Variants in PIGN observed in about 807,000 individuals in gnomAD.
PIGN encodes the protein phosphatidylinositol glycan anchor biosynthesis class N, also known as GPI ethanolamine phosphate transferase 1.
Under a neutral mutation model 125.4 loss-of-function variants are expected in PIGN, and 117 were observed. That is an observed-to-expected ratio of 0.93 (90% CI 0.80 to 1.09). PIGN has a LOEUF of 1.09. Among genes scored for constraint, PIGN ranks in the 50% least tolerant of loss-of-function variants. The pLI, the probability that PIGN is intolerant of heterozygous loss-of-function variation, is 0.00. For missense variants in PIGN, 1,075 were observed against 1,094.9 expected, an observed-to-expected ratio of 0.98 and a Z score of 0.26; for synonymous variants, 392 against 377.8, an observed-to-expected ratio of 1.04 and a Z score of -0.44.
At chr18:62,074,752 T>C (rs370552999) in intron 29 of PIGN, 27 bp downstream of exon 29, 3 of 1,472,760 alleles carry the variant, frequency 2.0e-6, no homozygotes, top group Non-Finnish European at 2.8e-6. Context: ...TAATCTAATT[T>C]ATATGGACTA....
intron 13 of PIGN, among the ~76,000 whole-genome samples, chr18:62,138,729 G>A (rs1174141115): frequency 6.6e-6 from 1 of 152,132 alleles, no homozygotes; most frequent in Non-Finnish European, 1.5e-5. Context: ...TTAAAGAATT[G>A]ACTTGTAGTC....
At position 62,073,418 on chromosome 18, in the gene PIGN, G is replaced by C. The variant is rs116345425; in HGVS notation, c.2620-693C>G. Among the ~76,000 whole-genome samples the C allele has an allele frequency of 9.0e-3, 1,367 of 152,206 alleles. 15 individuals carry two copies. Among genetic ancestry groups the C allele is most frequent in the African/African-American group, 0.026 (1,060 of 41,528 alleles). Reference sequence around the variant, plus strand: ...TATATACATCAAGAGTCCAGAGAGAGCTTGGTAGTGTCAAAGGGAGGATGG... The same window carrying C: ...TATATACATCAAGAGTCCAGAGAGACCTTGGTAGTGTCAAAGGGAGGATGG... On this transcript the variant is annotated intron_variant, in intron 29 of 30. Transcript: ENST00000640252.
chr18:62,095,679 T>C (rs1172182999), intron 23 of PIGN, among the ~76,000 whole-genome samples, 169 bp downstream of exon 23: 2 of 152,028 alleles, frequency 1.3e-5, no homozygotes, highest in East Asian at 1.9e-4. Flanking sequence ...AAACAGAAGA[T>C]TACAGATCAA....
chr18:62,032,572 C>T (rs1039612957), intron 23 of PIGN, among the ~76,000 whole-genome samples: 1 of 152,202 alleles, frequency 6.6e-6, no homozygotes, highest in African/African-American at 2.4e-5. Flanking sequence ...TGGTTAGCTG[C>T]AGTGATTGCA....
intron 23 of PIGN, among the ~76,000 whole-genome samples, chr18:62,032,963 A>C (rs1395834512): frequency 6.6e-6 from 1 of 152,252 alleles, no homozygotes; most frequent in Non-Finnish European, 1.5e-5. Flanking sequence ...GGTCACAAGT[A>C]ACAGAGATGC....
chr18:62,122,994 T>C (rs1452852863), intron 14 of PIGN, among the ~76,000 whole-genome samples: 1 of 152,142 alleles, frequency 6.6e-6, no homozygotes, highest in African/African-American at 2.4e-5. Flanking sequence ...ATGACCATAA[T>C]AGAGGCTGGG....
intron 30 of PIGN, chr18:62,059,009 G>A (rs569457528): frequency 2.6e-5 from 4 of 151,972 alleles, no homozygotes; most frequent in Non-Finnish European, 2.9e-5. Context: ...GCAGCAGAGT[G>A]AGACCCTGTC....
intron 30 of PIGN, among the ~76,000 whole-genome samples, chr18:62,049,404 G>A (rs7505083): frequency 0.33 from 48,968 of 147,088 alleles, 8,746 homozygotes; most frequent in East Asian, 0.68. Flanking sequence ...TCTAACTGGT[G>A]TGAGATGGTA....
intron 23 of PIGN, among the ~76,000 whole-genome samples, chr18:62,026,895 A>G (rs2030126806): frequency 6.6e-6 from 1 of 152,320 alleles, no homozygotes; most frequent in Non-Finnish European, 1.5e-5. Flanking sequence ...TTTGAGGGAC[A>G]AGCTTTTAAA....
chr18:62,064,988 T>C (rs1203164914), intron 30 of PIGN, among the ~76,000 whole-genome samples: 2 of 151,950 alleles, frequency 1.3e-5, no homozygotes, highest in Non-Finnish European at 2.9e-5. Flanking sequence ...ACATTAAAGA[T>C]TGCAGAAGGG....
chr18:62,031,073 T>C (rs950818872), intron 23 of PIGN, among the ~76,000 whole-genome samples: 31 of 152,140 alleles, frequency 2.0e-4, no homozygotes, highest in Non-Finnish European at 5.9e-5. Flanking sequence ...ATTATAATAA[T>C]CCCCACATGT....
rs139886228 is a variant in PIGN, at chr18:62,140,993, G to A, written c.964-514C>T. Among the ~76,000 whole-genome samples, 1,451 of 152,132 alleles carry A rather than the reference G, an allele frequency of 9.5e-3. 9 individuals are homozygous for A. Among genetic ancestry groups the A allele is most frequent in the South Asian group, 0.016 (79 of 4,816 alleles). ...ATCTCCTCTTTAAGTTCAATTTCTC[G>A]GAAGAGTTGTTCATGCTTTTTCTAT... On this transcript the variant is annotated intron_variant, in intron 11 of 30. Coordinates refer to ENST00000640252, the MANE Select transcript of PIGN (RefSeq NM_176787.5).
chr18:62,107,016 C>G lies in PIGN; in HGVS notation c.1644G>C (p.Leu548=). 1 of 1,590,398 alleles carries G rather than the reference C, an allele frequency of 6.3e-7. No individual in the cohort carries two copies. The highest frequency in any genetic ancestry group is 8.6e-7 in the Non-Finnish European group (1 of 1,167,820). Residue 548 remains leucine, a synonymous_variant, in exon 18 of 31, where the codon CTG becomes CTC. Transcript: ENST00000640252. ...TYPLSHFVGY[L]LAFTLGIEVL... The stretch of plus-strand genomic sequence containing the variant: ...CTTCAATTCCCAGGGTAAAGGCTAA[C>G]AGGTACCCAACAAAATGGCTCAGAG...
chr18:62,030,384 G>C (rs1265420944), intron 23 of PIGN, among the ~76,000 whole-genome samples: 1 of 152,176 alleles, frequency 6.6e-6, no homozygotes, highest in African/African-American at 2.4e-5. Flanking sequence ...CTGAGAATGA[G>C]GCACTTCTCA....
At chr18:62,183,169 C>A (rs1289490448) in intron 1 of PIGN, among the ~76,000 whole-genome samples, 2 of 151,798 alleles carry the variant, frequency 1.3e-5, no homozygotes, top group Non-Finnish European at 2.9e-5. Context: ...TTGAGCATTT[C>A]ACAATGTATA....
chr18:62,102,744 C>A, intron 21 of PIGN, 50 bp downstream of exon 21: 1 of 806,968 alleles, frequency 1.2e-6, no homozygotes, highest in Admixed American at 2.9e-5. Flanking sequence ...CCATAAGACA[C>A]ATTTCAGTAT....
intron 1 of PIGN, among the ~76,000 whole-genome samples, chr18:62,167,791 A>G (rs1455451476): frequency 6.6e-6 from 1 of 152,054 alleles, no homozygotes; most frequent in Non-Finnish European, 1.5e-5. Flanking sequence ...CCTGATGATC[A>G]ATGATCATGA....
At position 62,062,439 on chromosome 18, in the gene PIGN, A is replaced by G. The variant is rs1460981241; in HGVS notation, c.2672+10234T>C. ...TTAACCTATGGGGGTTAGATCCCCA[A>G]TGATGAAATACTGAGAATGAGATAA... On this transcript the variant is annotated intron_variant, in intron 30 of 30. Transcript: ENST00000640252. Among the ~76,000 whole-genome samples, 5 of 152,346 alleles carry G rather than the reference A, an allele frequency of 3.3e-5. No individual in the cohort carries two copies. The South Asian group carries it at 8.3e-4, about 25-fold the overall frequency.
chr18:62,052,890 C>T, intron 30 of PIGN: 1 of 380,516 alleles, frequency 2.6e-6, no homozygotes, highest in Non-Finnish European at 4.7e-6. Flanking sequence ...TCTTTTAGGG[C>T]AGGCCTGGTG....
Sources: allele counts gnomAD v4.1 joint callset (sites outside exome capture counted in the v4.1 genomes callset), GRCh38; gene constraint gnomAD v4.1.1; transcripts MANE v1.5; gene names NCBI Gene and HGNC (gene_info 2026-07-23, HGNC 2026-07-21).